The following DYNC1I1 variants were observed in gnomAD, a reference collection of about 807,000 sequenced individuals.
DYNC1I1 encodes cytoplasmic dynein 1 intermediate chain 1.
DYNC1I1 carries 43 observed loss-of-function variants against 86.6 expected under a neutral mutation model. The ratio of observed to expected loss-of-function variants is 0.50; its 90% CI spans 0.39 to 0.64. The LOEUF (loss-of-function observed/expected upper bound fraction) is 0.64, where lower values mean the gene tolerates loss of function less well. Among genes scored for constraint, DYNC1I1 ranks in the 30% least tolerant of loss-of-function variants. The pLI, the probability that DYNC1I1 is intolerant of heterozygous loss-of-function variation, is 0.00. For missense variants in DYNC1I1, 604 were observed against 788.8 expected, an observed-to-expected ratio of 0.77 and a Z score of 2.81; for synonymous variants, 262 against 283.7, an observed-to-expected ratio of 0.92 and a Z score of 0.77.
At chr7:96,056,852 T>A (rs1049849454) in intron 14 of DYNC1I1, among the ~76,000 whole-genome samples, 1 of 152,186 alleles carries the variant, frequency 6.6e-6, no homozygotes, top group Non-Finnish European at 1.5e-5. Flanking sequence ...ATATATGGCA[T>A]GTGAAGTTTA....
At chr7:95,917,604 T>A (rs1237199224) in intron 6 of DYNC1I1, among the ~76,000 whole-genome samples, 1 of 152,172 alleles carries the variant, frequency 6.6e-6, no homozygotes, top group Non-Finnish European at 1.5e-5. Flanking sequence ...TACAAGTTGC[T>A]GAAGACGTTG....
At chr7:95,970,187 A>G (rs978814677) in intron 6 of DYNC1I1, among the ~76,000 whole-genome samples, 2 of 152,126 alleles carry the variant, frequency 1.3e-5, no homozygotes, top group African/African-American at 4.8e-5. Flanking sequence ...ATACAAATAC[A>G]TGTCTAAATT....
intron 14 of DYNC1I1, among the ~76,000 whole-genome samples, chr7:96,064,643 A>C (rs1789904348): frequency 6.6e-6 from 1 of 152,160 alleles, no homozygotes; most frequent in Non-Finnish European, 1.5e-5. Flanking sequence ...TATCCCAAGG[A>C]GGATGCCAAA....
intron 5 of DYNC1I1, among the ~76,000 whole-genome samples, chr7:95,836,788 G>A (rs1269254457): frequency 3.9e-5 from 6 of 152,000 alleles, no homozygotes; most frequent in African/African-American, 9.7e-5. Context: ...CATTCTTCAC[G>A]TAGTTCTTGA....
downstream of DYNC1I1, among the ~76,000 whole-genome samples, chr7:96,099,665 A>T (rs1791097443): frequency 6.6e-6 from 1 of 152,056 alleles, no homozygotes; most frequent in Non-Finnish European, 1.5e-5. Flanking sequence ...CTTTCATGTC[A>T]TTACTTATAA....
At chr7:95,997,218 T>C (rs1793887896) in intron 10 of DYNC1I1, among the ~76,000 whole-genome samples, 2 of 152,126 alleles carry the variant, frequency 1.3e-5, no homozygotes, top group Admixed American at 1.3e-4. Flanking sequence ...TTTTTTCTTT[T>C]ATTTTTTTTA....
intron 7 of DYNC1I1, among the ~76,000 whole-genome samples, chr7:95,982,865 T>C (rs1275174861): frequency 6.6e-6 from 1 of 152,182 alleles, no homozygotes; most frequent in Non-Finnish European, 1.5e-5. Flanking sequence ...TATTATATTC[T>C]GGAGTGAAAT....
intron 1 of DYNC1I1, among the ~76,000 whole-genome samples, chr7:95,799,261 C>G (rs570255388): frequency 3.9e-4 from 59 of 152,254 alleles, no homozygotes; most frequent in African/African-American, 1.4e-3. Context: ...CACCTGTAGT[C>G]CCAGCTACTC....
intron 8 of DYNC1I1, 88 bp downstream of exon 8, chr7:95,985,065 AT>A: frequency 6.5e-7 from 1 of 1,549,326 alleles, no homozygotes; most frequent in Non-Finnish European, 8.7e-7. Flanking sequence ...AAAATTCCAA[AT>A]TAAGAAATCA....
At chr7:95,835,021 A>T in intron 5 of DYNC1I1, among the ~76,000 whole-genome samples, 1 of 110,210 alleles carries the variant, frequency 9.1e-6, no homozygotes, top group African/African-American at 3.7e-5. Flanking sequence ...TAGCTTTTGA[A>T]TGTGTTTGCT....
intron 4 of DYNC1I1, among the ~76,000 whole-genome samples, chr7:95,821,235 ATTC>A (rs1443534853): frequency 6.6e-6 from 1 of 152,236 alleles, no homozygotes; most frequent in Non-Finnish European, 1.5e-5. Context: ...GAATATAAAT[ATTC>A]TTCTTACTTC....
chr7:96,100,341 CCCTTCCTTCCTTCCTTTCCTT>C (rs1222137418), downstream of DYNC1I1, among the ~76,000 whole-genome samples: 2 of 151,474 alleles, frequency 1.3e-5, no homozygotes, highest in East Asian at 1.9e-4. Flanking sequence ...CTCCCTCTCT[CCCTTCCTTCCTTCCTTTCCTT>C]CCTTCCTTCC....
At chr7:95,938,406 G>A (rs951605966) in intron 6 of DYNC1I1, among the ~76,000 whole-genome samples, 6 of 152,286 alleles carry the variant, frequency 3.9e-5, no homozygotes, top group African/African-American at 1.4e-4. Flanking sequence ...TTCTTTTCAT[G>A]TTGACAGGAT....
intron 10 of DYNC1I1, among the ~76,000 whole-genome samples, chr7:96,013,941 G>A (rs968734216): frequency 6.6e-6 from 1 of 152,138 alleles, no homozygotes; most frequent in African/African-American, 2.4e-5. Context: ...TAGAAAATCA[G>A]TCTTGAGTAC....
chr7:96,045,761 TGG>T (rs1210764733), intron 14 of DYNC1I1, among the ~76,000 whole-genome samples: 1 of 152,000 alleles, frequency 6.6e-6, no homozygotes, highest in Admixed American at 6.6e-5. Flanking sequence ...GCATGTATCA[TGG>T]AATAAGAGAT....
chr7:95,827,833 A>T (rs1432725136), intron 4 of DYNC1I1, among the ~76,000 whole-genome samples: 1 of 152,156 alleles, frequency 6.6e-6, no homozygotes, highest in Non-Finnish European at 1.5e-5. Context: ...CTTTCATGAA[A>T]GCAGCCATAG....
At chr7:95,893,598 G>C (rs971660340) in intron 6 of DYNC1I1, among the ~76,000 whole-genome samples, 1 of 152,252 alleles carries the variant, frequency 6.6e-6, no homozygotes, top group South Asian at 2.1e-4. Flanking sequence ...CCTTACTCCT[G>C]TTCCTATACA....
chr7:95,848,574 A>G (rs1481728449), intron 5 of DYNC1I1, among the ~76,000 whole-genome samples: 2 of 152,096 alleles, frequency 1.3e-5, no homozygotes, highest in African/African-American at 4.8e-5. Flanking sequence ...TGTCTTTATT[A>G]TGGCTGAATA....
chr7:96,073,159 A>G (rs537134253), intron 14 of DYNC1I1, among the ~76,000 whole-genome samples: 1 of 152,310 alleles, frequency 6.6e-6, no homozygotes, highest in African/African-American at 2.4e-5. Flanking sequence ...TGAAAATATA[A>G]GCCTTCCTCC....
Sources: gnomAD v4.1 joint callset for allele counts (sites outside exome capture counted in the v4.1 genomes callset) on GRCh38, gnomAD v4.1.1 for gene constraint, MANE v1.5 for transcripts, NCBI Gene and HGNC (gene_info 2026-07-23, HGNC 2026-07-21) for gene names.